Variants in ADGRL2 observed in about 807,000 individuals in gnomAD.
ADGRL2 encodes the protein calcium-independent alpha-latrotoxin receptor 2.
A neutral mutation model predicts 157.4 loss-of-function variants in ADGRL2; 44 were observed. The observed-to-expected ratio is 0.28, with a 90% CI of 0.22 to 0.36. ADGRL2 has a LOEUF of 0.36. Among genes scored for constraint, ADGRL2 ranks in the 10% least tolerant of loss-of-function variants. The pLI is 1.00. For missense variants in ADGRL2, 1,510 were observed against 1,768.9 expected, an observed-to-expected ratio of 0.85 and a Z score of 2.63; for synonymous variants, 585 against 624.7, an observed-to-expected ratio of 0.94 and a Z score of 0.95.
intron 1 of ADGRL2, among the ~76,000 whole-genome samples, chr1:81,436,503 A>C (rs2077412438): frequency 6.6e-6 from 1 of 152,194 alleles, no homozygotes. Flanking sequence ...GACTAAGCGT[A>C]TAGCCATGAG....
At chr1:81,561,707 G>C (rs189459799) in intron 2 of ADGRL2, among the ~76,000 whole-genome samples, 1 of 151,836 alleles carries the variant, frequency 6.6e-6, no homozygotes, top group African/African-American at 2.4e-5. Context: ...TGATCCACCC[G>C]CCTCGGCCTC....
chr1:81,978,648 G>A (rs992383865), intron 17 of ADGRL2, among the ~76,000 whole-genome samples: 6 of 151,650 alleles, frequency 4.0e-5, no homozygotes, highest in African/African-American at 1.5e-4. Flanking sequence ...CTCATCATTA[G>A]GAAGGACTTG....
chr1:81,809,488 T>C (rs917007324), intron 1 of ADGRL2, among the ~76,000 whole-genome samples: 22 of 151,978 alleles, frequency 1.4e-4, no homozygotes, highest in Admixed American at 2.0e-4. Flanking sequence ...GTTGAAAAGA[T>C]GGTTAACTTT....
At chr1:81,800,735 CGGAGCGCGCGGA>C (rs1278071842), upstream of ADGRL2, among the ~76,000 whole-genome samples, 1 of 151,402 alleles carries the variant, frequency 6.6e-6, no homozygotes, top group Non-Finnish European at 1.5e-5. Context: ...CGCGCGCCGG[CGGAGCGCGCGGA>C]GGACCCAGCG....
intron 1 of ADGRL2, among the ~76,000 whole-genome samples, chr1:81,723,252 T>C (rs1317115953): frequency 6.6e-6 from 1 of 152,198 alleles, no homozygotes; most frequent in Non-Finnish European, 1.5e-5. Context: ...TGGTTTGCCA[T>C]TAGGGTATTC....
chr1:81,457,969 C>G (rs890215081), intron 2 of ADGRL2, among the ~76,000 whole-genome samples: 1 of 152,260 alleles, frequency 6.6e-6, no homozygotes, highest in East Asian at 1.9e-4. Context: ...TCCTAACTTC[C>G]AATCAGATAT....
intron 1 of ADGRL2, among the ~76,000 whole-genome samples, chr1:81,337,188 T>G (rs1661706121): frequency 1.3e-5 from 2 of 152,218 alleles, no homozygotes; most frequent in African/African-American, 2.4e-5. Flanking sequence ...CATCTTCAAT[T>G]TGCTTGTGCA....
chr1:81,371,255 T>C (rs186422979), intron 1 of ADGRL2, among the ~76,000 whole-genome samples: 1 of 152,326 alleles, frequency 6.6e-6, no homozygotes, highest in East Asian at 1.9e-4. Flanking sequence ...ATCTCAGTGT[T>C]CTGTGCAAAT....
chr1:81,522,550 A>G (rs1417069431), intron 2 of ADGRL2, among the ~76,000 whole-genome samples: 2 of 152,158 alleles, frequency 1.3e-5, no homozygotes, highest in African/African-American at 2.4e-5. Flanking sequence ...GGAGGTGTAG[A>G]TCCCAGGATT....
At chr1:81,679,215 G>A (rs1287194282) in intron 3 of ADGRL2, among the ~76,000 whole-genome samples, 2 of 152,162 alleles carry the variant, frequency 1.3e-5, no homozygotes, top group Admixed American at 6.5e-5. Context: ...TGTAAGAGGA[G>A]TCAGTGTTTC....
chr1:81,628,984 T>G (rs201381287), intron 3 of ADGRL2, among the ~76,000 whole-genome samples: 1 of 152,234 alleles, frequency 6.6e-6, no homozygotes, highest in South Asian at 2.1e-4. Context: ...GATTGTATAT[T>G]ATTCCTAAGT....
At chr1:81,740,206 T>A (rs1227548927) in intron 1 of ADGRL2, among the ~76,000 whole-genome samples, 1 of 152,206 alleles carries the variant, frequency 6.6e-6, no homozygotes, top group Non-Finnish European at 1.5e-5. Flanking sequence ...CATTCCAAAT[T>A]ATTTTACAAA....
At chr1:81,519,965 T>G (rs537328490) in intron 2 of ADGRL2, among the ~76,000 whole-genome samples, 3 of 152,202 alleles carry the variant, frequency 2.0e-5, no homozygotes, top group Non-Finnish European at 2.9e-5. Context: ...AAGAATAAAT[T>G]TTCTTGGGCT....
chr1:81,831,048 C>T (rs1289564262), intron 1 of ADGRL2, among the ~76,000 whole-genome samples: 1 of 152,148 alleles, frequency 6.6e-6, no homozygotes, highest in Non-Finnish European at 1.5e-5. Context: ...CATAAGATTG[C>T]ATCTTATGAG....
chr1:81,808,788 G>A (rs1253746632), intron 1 of ADGRL2, among the ~76,000 whole-genome samples: 5 of 152,012 alleles, frequency 3.3e-5, no homozygotes, highest in Admixed American at 2.6e-4. Flanking sequence ...GGGATTCATC[G>A]TAGCAGATAG....
chr1:81,905,389 C>T (rs935699326), intron 2 of ADGRL2, among the ~76,000 whole-genome samples: 6 of 152,072 alleles, frequency 3.9e-5, no homozygotes, highest in Non-Finnish European at 7.4e-5. Context: ...TGAACCACAG[C>T]GCTAGACCTT....
chr1:81,720,140 GA>G (rs2084251797), intron 1 of ADGRL2, among the ~76,000 whole-genome samples: 1 of 150,866 alleles, frequency 6.6e-6, no homozygotes, highest in African/African-American at 2.4e-5. Flanking sequence ...AAAAGTAGTT[GA>G]AAAGGTCAGC....
At chr1:81,623,477 GGTTGA>G (rs1161802367) in intron 3 of ADGRL2, among the ~76,000 whole-genome samples, 1 of 152,076 alleles carries the variant, frequency 6.6e-6, no homozygotes, top group Non-Finnish European at 1.5e-5. Context: ...TATTGTTGTG[GGTTGA>G]GTTGTGTCCC....
chr1:81,403,376 T>A (rs6691732), intron 1 of ADGRL2, among the ~76,000 whole-genome samples: 6,101 of 152,138 alleles, frequency 0.04, 406 homozygotes, highest in African/African-American at 0.14. Context: ...GAGATTCTCA[T>A]ACCTCAACCT....
Sources: gnomAD v4.1 joint callset for allele counts (sites outside exome capture counted in the v4.1 genomes callset) on GRCh38, gnomAD v4.1.1 for gene constraint, MANE v1.5 for transcripts, NCBI Gene and HGNC (gene_info 2026-07-23, HGNC 2026-07-21) for gene names.